Variants in GALNT9 observed in about 807,000 individuals in gnomAD.
The protein encoded by GALNT9 is GalNAc transferase 9.
A neutral mutation model predicts 63.1 loss-of-function variants in GALNT9; 47 were observed. The observed-to-expected ratio is 0.75, with a 90% confidence interval of 0.59 to 0.95. GALNT9 has a LOEUF of 0.95. Ranked by LOEUF, GALNT9 falls within the 40% of genes least tolerant of loss-of-function variation. GALNT9 has a pLI of 0.00. For synonymous variants in GALNT9, 396 were observed against 365.7 expected (o/e 1.08, Z -0.94); for missense variants, 829 against 874.8 (o/e 0.95, Z 0.66).
chr12:132,268,328 CAACA>C (rs1555240430), intron 2 of GALNT9, among the ~76,000 whole-genome samples: 1 of 152,158 alleles, frequency 6.6e-6, no homozygotes, highest in East Asian at 1.9e-4. Flanking sequence ...CCTTGGCAAG[CAACA>C]AACACTTCTT....
At chr12:132,215,445 G>A (rs10751713) in intron 6 of GALNT9, among the ~76,000 whole-genome samples, 89,567 of 152,148 alleles carry the variant, frequency 0.59, 26,503 homozygotes, top group East Asian at 0.72. Flanking sequence ...GAGGCTGTTT[G>A]TGTGCTGGCC....
Position 132,203,601 on chromosome 12 carries a change from A to G in GALNT9, c.1167T>C (p.Ile389=). 1 of 1,613,868 alleles carries G rather than the reference A, an allele frequency of 6.2e-7. No individual in the cohort carries two copies. Among genetic ancestry groups the G allele is most frequent in the African/African-American group, 1.3e-5 (1 of 75,048 alleles). Residue 389 remains isoleucine (I), a synonymous_variant, in exon 7 of 11, where the codon ATT becomes ATC. Transcript: ENST00000328957. ...ERTRKPYNND[I]DYYAKRNALR... is the part of the protein sequence containing the mutation. ...GGGCGTTGCGCTTGGCATAGTAGTC[A>G]ATGTCGTTGTTGTAGGGCTTCCTGG... is the stretch of plus-strand genomic sequence containing the variant.
chr12:132,320,754 G>A lies in GALNT9; in HGVS notation c.238+8212C>T, dbSNP rs143900999. On this transcript the variant is annotated intron_variant, in intron 1 of 10. Transcript: ENST00000328957. The stretch of plus-strand genomic sequence containing the variant: ...CCCCCACCAGGTGCCCTCGGGGTTG[G>A]AGAATCATCAGCCCACCCTCATCTC... 2.9e-3 allele frequency among the ~76,000 whole-genome samples: 445 copies of A among 152,154 alleles called. 1 individual carries two copies. The highest frequency in any genetic ancestry group is 9.6e-3 in the African/African-American group (398 of 41,504).
chr12:132,231,222 C>T (rs1281390635), intron 6 of GALNT9, among the ~76,000 whole-genome samples: 1 of 61,688 alleles, frequency 1.6e-5, no homozygotes, highest in Non-Finnish European at 2.8e-5. Context: ...GCCACACACT[C>T]GATGGGGCGA....
At chr12:132,324,688 C>T (rs1868958375) in intron 1 of GALNT9, among the ~76,000 whole-genome samples, 1 of 152,200 alleles carries the variant, frequency 6.6e-6, no homozygotes, top group South Asian at 2.1e-4. Flanking sequence ...CCTCTGCAGC[C>T]GGGTGCAAGG....
rs913813131 is a variant in GALNT9 at position 132,265,671 on chromosome 12, G to A, written c.420-3046C>T. ...AGTTCCTGATGCCCGGTACAGGCCCGGGAAAGACAATGAAGATACCTTATT... is the reference window on the plus strand; with the variant it reads ...AGTTCCTGATGCCCGGTACAGGCCCAGGAAAGACAATGAAGATACCTTATT... On this transcript the variant is annotated intron_variant, in intron 2 of 10. Coordinates refer to ENST00000328957, the MANE Select transcript of GALNT9 (RefSeq NM_001122636.2). This position sits in a 1 kb window ranked among gnomAD's most constrained non-coding sequence, Gnocchi z 5.3. Among the ~76,000 whole-genome samples the A allele has an allele frequency of 6.6e-6, 1 of 152,098 alleles. No individual in the cohort carries two copies. The highest frequency in any genetic ancestry group is 2.4e-5 in the African/African-American group (1 of 41,400).
In GALNT9 at chr12:132,296,712, A is replaced by G. The variant is rs782164193; in HGVS notation, c.239-10282T>C. Among the ~76,000 whole-genome samples, 5 of 152,128 alleles carry G rather than the reference A, an allele frequency of 3.3e-5. No individual in the cohort carries two copies. The highest frequency in any genetic ancestry group is 5.9e-5 in the Non-Finnish European group (4 of 68,030). ...CCATTCCTCAAATGTGGCAATTCACAAGAAAAGACCTTATTTCTCACACTC... is the reference window on the plus strand; with the variant it reads ...CCATTCCTCAAATGTGGCAATTCACGAGAAAAGACCTTATTTCTCACACTC... On this transcript the variant is annotated intron_variant, in intron 1 of 10. Coordinates refer to ENST00000328957, the MANE Select transcript of GALNT9 (RefSeq NM_001122636.2). The surrounding 1 kb of genome is among the most constrained non-coding windows in gnomAD (Gnocchi z 4.2).
At chr12:132,276,082 T>C (rs1880075627) in intron 2 of GALNT9, 4 of 152,296 alleles carry the variant, frequency 2.6e-5, no homozygotes, top group Admixed American at 6.5e-5. Flanking sequence ...GCTTTCCGGT[T>C]GGCTTCCATG....
intron 5 of GALNT9, among the ~76,000 whole-genome samples, chr12:132,250,428 T>C (rs1555238436): frequency 6.6e-6 from 1 of 152,188 alleles, no homozygotes; most frequent in African/African-American, 2.4e-5. Context: ...GTGTGGTTGA[T>C]TTGTGTTATA....
At chr12:132,307,040 G>C (rs1555244718) in intron 1 of GALNT9, among the ~76,000 whole-genome samples, 1 of 152,074 alleles carries the variant, frequency 6.6e-6, no homozygotes, top group African/African-American at 2.4e-5. Flanking sequence ...GCTGTGAGGG[G>C]ACCTGTGCCC....
chr12:132,304,447 C>G (rs1340935209), intron 1 of GALNT9, among the ~76,000 whole-genome samples: 1 of 37,608 alleles, frequency 2.7e-5, no homozygotes, highest in Non-Finnish European at 5.4e-5. Context: ...CCGGGCACAC[C>G]CTCGCCCGGG....
At chr12:132,299,512 C>A (rs1404252618) in intron 1 of GALNT9, among the ~76,000 whole-genome samples, 34 of 119,316 alleles carry the variant, frequency 2.8e-4, no homozygotes, top group African/African-American at 9.1e-4. Flanking sequence ...TCCCATAACT[C>A]ACCCACTCCC....
In GALNT9 at chr12:132,197,968, A is replaced by C; in HGVS notation, c.1498-9T>G. On this transcript the variant is annotated splice_polypyrimidine_tract_variant and intron_variant, in intron 9 of 10. Transcript: ENST00000328957. ...GCGCTGTACCGCACCAGCTGGGGAC[A>C]GGACCACCGGGACTGTGTGTGAGCA... is the stretch of plus-strand genomic sequence containing the variant. 1 of 1,601,764 alleles carries C rather than the reference A, an allele frequency of 6.2e-7. No individual in the cohort carries two copies. Among genetic ancestry groups the C allele is most frequent in the South Asian group, 1.1e-5 (1 of 90,034 alleles).
rs375025067 is a variant in GALNT9 at position 132,296,642 on chromosome 12, C to G, written c.239-10212G>C. ...TCAATATCCTGCTGTTCTGAGGTCA[C>G]AGGCTGGTGGTGACAGCTGACCTGT... On this transcript the variant is annotated intron_variant, in intron 1 of 10. Coordinates refer to ENST00000328957, the MANE Select transcript of GALNT9 (RefSeq NM_001122636.2). The surrounding 1 kb of genome is among the most constrained non-coding windows in gnomAD (Gnocchi z 4.2). 2.6e-5 allele frequency among the ~76,000 whole-genome samples: 4 copies of G among 152,228 alleles called. No homozygotes were observed. Among genetic ancestry groups the G allele is most frequent in the Non-Finnish European group, 5.9e-5 (4 of 68,040 alleles).
chr12:132,200,027 C>G (rs1033808139), intron 8 of GALNT9, among the ~76,000 whole-genome samples: 1 of 152,132 alleles, frequency 6.6e-6, no homozygotes, highest in Non-Finnish European at 1.5e-5. Context: ...GGTGCCTGCA[C>G]TTGGCTAATT....
intron 6 of GALNT9, among the ~76,000 whole-genome samples, chr12:132,216,342 C>T (rs571031003): frequency 1.3e-5 from 2 of 152,346 alleles, no homozygotes; most frequent in South Asian, 4.1e-4. Context: ...CCCACAGGGT[C>T]CCTCACACAG....
chr12:132,268,147 G>A (rs575253829), intron 2 of GALNT9, among the ~76,000 whole-genome samples: 2,233 of 147,964 alleles, frequency 0.015, 30 homozygotes, highest in Non-Finnish European at 0.021. Flanking sequence ...TCACACACAC[G>A]CAATCTCACA....
intron 6 of GALNT9, among the ~76,000 whole-genome samples, chr12:132,210,824 TCTGGAGGTCGCC>T (rs1876924834): frequency 7.3e-6 from 1 of 136,790 alleles, no homozygotes; most frequent in Admixed American, 6.9e-5. Flanking sequence ...GTGGTCGCCG[TCTGGAGGTCGCC>T]GTCTGGAGGT....
At chr12:132,307,227 A>T (rs1204692277) in intron 1 of GALNT9, among the ~76,000 whole-genome samples, 1 of 152,216 alleles carries the variant, frequency 6.6e-6, no homozygotes, top group African/African-American at 2.4e-5. Flanking sequence ...CAGATCTTCT[A>T]AAATTCCAAC....
Sources: allele counts gnomAD v4.1 joint callset (sites outside exome capture counted in the v4.1 genomes callset), GRCh38; gene constraint gnomAD v4.1.1; non-coding constraint Gnocchi (gnomAD v3.1); transcripts MANE v1.5; gene names NCBI Gene and HGNC (gene_info 2026-07-23, HGNC 2026-07-21).